The following FAT4 variants were observed in gnomAD, a reference collection of about 807,000 sequenced individuals.
The protein encoded by FAT4 is protocadherin Fat 4.
In FAT4, 84 loss-of-function variants were observed where a neutral mutation model predicts 303.9. The ratio of observed to expected loss-of-function variants is 0.28; its 90% CI spans 0.23 to 0.33. The LOEUF (loss-of-function observed/expected upper bound fraction) is 0.33, where lower values mean the gene tolerates loss of function less well. Among genes scored for constraint, FAT4 ranks in the 10% least tolerant of loss-of-function variants. The pLI is 1.00. For synonymous variants in FAT4, 2,307 were observed against 2,298.8 expected (o/e 1.00, Z -0.10); for missense variants, 6,005 against 6,146.8 (o/e 0.98, Z 0.77).
chr4:125,321,486 C>T lies in FAT4; in HGVS notation c.5075C>T (p.Thr1692Ile). Residue 1692 changes from threonine (T) to isoleucine (I), a missense_variant, in exon 2 of 18, where the codon ACC becomes ATC. Thr to Ile is a moderately conservative substitution (Grantham distance 89). Coordinates refer to ENST00000394329, the MANE Select transcript of FAT4 (RefSeq NM_001291303.3). ...GGACGACATACTGGTATAATTCAGACCGCAGCCATTCTGGACCGGGAGCAA... is the reference window on the plus strand; with the variant it reads ...GGACGACATACTGGTATAATTCAGATCGCAGCCATTCTGGACCGGGAGCAA... ...TIGRHTGIIQ[T>I]AAILDREQGA... is the part of the protein sequence containing the mutation. 1 of 1,614,118 alleles carries T rather than the reference C, an allele frequency of 6.2e-7. No homozygotes were observed.
rs769672953 is a variant in FAT4, at chr4:125,452,560, C to T, written c.11550C>T (p.Cys3850=). ...ATGAACCTCTGCAGCCTTTCTTATG[C>T]AAGTGTCTGCCAGGATATGCGGGTA... is the stretch of plus-strand genomic sequence containing the variant. ...VANEPLQPFL[C]KCLPGYAGSW... The change falls in exon 10 of 18, where the codon TGC becomes TGT. Residue 3850 remains cysteine, a synonymous_variant. Coordinates refer to ENST00000394329, the MANE Select transcript of FAT4 (RefSeq NM_001291303.3). 1.2e-6 allele frequency: 2 copies of T among 1,614,146 alleles called. No individual in the cohort carries two copies. The highest frequency in any genetic ancestry group is 2.2e-5 in the South Asian group (2 of 91,090).
intron 2 of FAT4, among the ~76,000 whole-genome samples, chr4:125,331,357 G>A (rs149760042): frequency 1.4e-4 from 22 of 152,264 alleles, no homozygotes; most frequent in African/African-American, 5.1e-4. Context: ...AGTGATGCAT[G>A]CTGAAGTAGG....
intron 16 of FAT4, 81 bp downstream of exon 16, chr4:125,481,819 T>G: frequency 8.0e-7 from 1 of 1,255,742 alleles, no homozygotes; most frequent in South Asian, 1.3e-5. Context: ...CCATAATTTC[T>G]GTCCTTTTCT....
At position 125,415,467 on chromosome 4, in the gene FAT4, T is replaced by G. The variant is rs1390213447; in HGVS notation, c.6504T>G (p.Leu2168=). ...AAGTGGAGATTAATGAAAACACACT[T>G]ACTGGAACAGATATAATACAAGTGT... is the stretch of plus-strand genomic sequence containing the variant. The part of the protein sequence containing the change: ...LYKVEINENT[L]TGTDIIQVFA... Residue 2168 remains leucine (L), a synonymous_variant, in exon 6 of 18, where the codon CTT becomes CTG. Coordinates refer to ENST00000394329, the MANE Select transcript of FAT4 (RefSeq NM_001291303.3). The G allele has an allele frequency of 6.2e-7, 1 of 1,614,096 alleles. No individual in the cohort carries two copies.
At chr4:125,420,635 G>A (rs1267164073) in intron 7 of FAT4, among the ~76,000 whole-genome samples, 1 of 152,194 alleles carries the variant, frequency 6.6e-6, no homozygotes, top group Admixed American at 6.5e-5. Flanking sequence ...CAGCACAAGT[G>A]TTTAAAGCTT....
intron 2 of FAT4, among the ~76,000 whole-genome samples, chr4:125,341,840 G>A (rs1474709058): frequency 1.3e-5 from 2 of 151,918 alleles, no homozygotes; most frequent in Non-Finnish European, 2.9e-5. Flanking sequence ...AAAGGATTTT[G>A]AAATAAACAA....
At chr4:125,386,843 A>G (rs1733769175) in intron 2 of FAT4, among the ~76,000 whole-genome samples, 1 of 152,204 alleles carries the variant, frequency 6.6e-6, no homozygotes, top group African/African-American at 2.4e-5. Flanking sequence ...ACATATAACT[A>G]TTATAGACCA....
At chr4:125,396,943 T>G (rs961286262) in intron 2 of FAT4, among the ~76,000 whole-genome samples, 4 of 75,874 alleles carry the variant, frequency 5.3e-5, no homozygotes, top group African/African-American at 1.8e-4. Flanking sequence ...TATATATATA[T>G]ATATATATAT....
intron 17 of FAT4, among the ~76,000 whole-genome samples, chr4:125,487,858 T>C (rs1213331880): frequency 1.3e-5 from 2 of 152,304 alleles, no homozygotes; most frequent in East Asian, 3.9e-4. Context: ...AGAGCTTGCA[T>C]CTTTCTTACC....
intron 10 of FAT4, among the ~76,000 whole-genome samples, chr4:125,453,570 G>C (rs567087696): frequency 9.9e-5 from 15 of 152,242 alleles, no homozygotes; most frequent in African/African-American, 3.4e-4. Context: ...ACTGGGCGCG[G>C]TGTTGTGCGC....
chr4:125,398,116 A>C (rs1734251003), intron 2 of FAT4, among the ~76,000 whole-genome samples: 1 of 152,160 alleles, frequency 6.6e-6, no homozygotes, highest in Non-Finnish European at 1.5e-5. Flanking sequence ...TTCTTAGGTG[A>C]GGAAGCAAAC....
chr4:125,317,086 G>A lies in FAT4; in HGVS notation c.675G>A (p.Lys225=), dbSNP rs748524278. 5 of 1,614,032 alleles carry A rather than the reference G, an allele frequency of 3.1e-6. No homozygotes were observed. Among genetic ancestry groups the A allele is most frequent in the African/African-American group, 1.3e-5 (1 of 75,084 alleles). The change falls in exon 2 of 18, where the codon AAG becomes AAA. Residue 225 remains lysine, a synonymous_variant. Coordinates refer to ENST00000394329, the MANE Select transcript of FAT4 (RefSeq NM_001291303.3). The surrounding 1 kb of genome is among the most constrained non-coding windows in gnomAD (Gnocchi z 7.0). ...QYQLLVEVED[K]GEPKRRGYLQ... The stretch of plus-strand genomic sequence containing the variant: ...AGCTCCTGGTTGAGGTGGAGGACAA[G>A]GGTGAGCCTAAGCGGCGGGGCTACC...
At chr4:125,477,803 C>CT (rs1727084471) in intron 14 of FAT4, among the ~76,000 whole-genome samples, 1 of 151,920 alleles carries the variant, frequency 6.6e-6, no homozygotes, top group South Asian at 2.1e-4. Flanking sequence ...AACTGTAAGG[C>CT]TTTTTTATTT....
chr4:125,341,169 A>T (rs1011692381), intron 2 of FAT4, among the ~76,000 whole-genome samples: 2 of 152,212 alleles, frequency 1.3e-5, no homozygotes, highest in African/African-American at 4.8e-5. Context: ...ATAGTTCTGA[A>T]AGATATGCAA....
chr4:125,463,471 C>A, intron 10 of FAT4, 92 bp from the exon 11 acceptor site: 1 of 634,966 alleles, frequency 1.6e-6, no homozygotes, highest in Non-Finnish European at 2.5e-6. Context: ...CGTGATATGC[C>A]TTAGGAAAGA....
rs1370013323 is a variant in FAT4, at chr4:125,490,153, G to T, written c.13337G>T (p.Gly4446Val). Residue 4446 changes from glycine to valine, a missense_variant, in exon 18 of 18, where the codon GGC (glycine) becomes GTC (valine). Transcript: ENST00000394329. The part of the protein sequence containing the change: ...PCQNGGSCEP[G>V]LHSGFTCSCP... ...CAGAATGGTGGCAGCTGTGAGCCAG[G>T]CCTGCACTCCGGCTTCACCTGTAGC... is the stretch of plus-strand genomic sequence containing the variant. The T allele has an allele frequency of 6.2e-7, 1 of 1,614,122 alleles. No homozygotes were observed.
chr4:125,347,837 A>C (rs1578545935), intron 2 of FAT4, among the ~76,000 whole-genome samples: 1 of 151,836 alleles, frequency 6.6e-6, no homozygotes, highest in African/African-American at 2.4e-5. Context: ...AAATTAATTG[A>C]CTTTTGGATT....
intron 2 of FAT4, among the ~76,000 whole-genome samples, chr4:125,328,295 G>C (rs372211693): frequency 1.4e-4 from 22 of 152,116 alleles, no homozygotes; most frequent in Admixed American, 1.4e-3. Flanking sequence ...ATATTAACAC[G>C]TATGCCCCCA....
At chr4:125,335,919 G>A (rs1338428987) in intron 2 of FAT4, among the ~76,000 whole-genome samples, 1 of 151,914 alleles carries the variant, frequency 6.6e-6, no homozygotes, top group African/African-American at 2.4e-5. Flanking sequence ...ACATAGCACT[G>A]CATATTTTCC....
Sources: gnomAD v4.1 joint callset for allele counts (sites outside exome capture counted in the v4.1 genomes callset) on GRCh38, gnomAD v4.1.1 for gene constraint, Gnocchi (gnomAD v3.1) non-coding constraint, MANE v1.5 for transcripts, NCBI Gene and HGNC (gene_info 2026-07-23, HGNC 2026-07-21) for gene names.